BCAR1: variants seen among roughly 807,000 people sequenced by gnomAD.
BCAR1 encodes breast cancer anti-estrogen resistance protein 1.
A neutral mutation model predicts 67.6 loss-of-function variants in BCAR1; 30 were observed. That is an observed-to-expected ratio of 0.44 (90% CI 0.33 to 0.60). The LOEUF (loss-of-function observed/expected upper bound fraction) is 0.60, where lower values mean the gene tolerates loss of function less well. BCAR1 is among the 20% of genes least tolerant of loss of function. BCAR1 has a pLI of 0.02. For synonymous variants in BCAR1, 626 were observed against 556.7 expected (o/e 1.12, Z -1.75); for missense variants, 1,313 against 1,222.3 (o/e 1.07, Z -1.11).
intron 2 of BCAR1, chr16:75,237,985 CG>C: frequency 7.9e-7 from 1 of 1,263,150 alleles, no homozygotes; most frequent in Non-Finnish European, 1.0e-6. Flanking sequence ...GCGCCTGCCC[CG>C]GGGGAGCTGC....
chr16:75,243,521 T>C (rs764393561), intron 1 of BCAR1: 1 of 512,948 alleles, frequency 1.9e-6, no homozygotes, highest in Non-Finnish European at 3.9e-6. Context: ...AAGAACAGCT[T>C]CTTAGGATAA....
intron 1 of BCAR1, among the ~76,000 whole-genome samples, chr16:75,260,085 T>G (rs2077869595): frequency 6.6e-6 from 1 of 151,574 alleles, no homozygotes; most frequent in Non-Finnish European, 1.5e-5. Flanking sequence ...TCCCAGCTGT[T>G]TGGGAGACTG....
intron 1 of BCAR1, among the ~76,000 whole-genome samples, chr16:75,244,206 T>C (rs1444431265): frequency 6.6e-6 from 1 of 152,134 alleles, no homozygotes; most frequent in Non-Finnish European, 1.5e-5. Context: ...TCTCCTGGCG[T>C]CTTAGATGTG....
At chr16:75,234,264 G>T (rs1455213213) in intron 5 of BCAR1, among the ~76,000 whole-genome samples, 1 of 151,694 alleles carries the variant, frequency 6.6e-6, no homozygotes, top group Non-Finnish European at 1.5e-5. Flanking sequence ...GGGACACACA[G>T]AGAAGGTGGC....
At chr16:75,236,644 A>G (rs1012422683) in intron 4 of BCAR1, 1 of 692,252 alleles carries the variant, frequency 1.4e-6, no homozygotes, top group Non-Finnish European at 2.1e-6. Context: ...CCTTGCGGAT[A>G]CCCTCTCAGG....
rs116747306 is a variant in BCAR1 at position 75,241,773 on chromosome 16, G to A, written c.633+697C>T. The stretch of plus-strand genomic sequence containing the variant: ...GGTCTCCACCTCAGCCCTGGGCTGA[G>A]TGTCTAGTGCTGACTCCTTCCTACA... On this transcript the variant is annotated intron_variant, in intron 2 of 6. Coordinates refer to ENST00000162330, the MANE Select transcript of BCAR1 (RefSeq NM_014567.5). Among the ~76,000 whole-genome samples the A allele has an allele frequency of 6.5e-3, 992 of 152,330 alleles. 10 individuals are homozygous for A. Among genetic ancestry groups the A allele is most frequent in the African/African-American group, 0.019 (797 of 41,566 alleles).
chr16:75,250,922 C>T (rs1164992522), intron 1 of BCAR1: 18 of 985,416 alleles, frequency 1.8e-5, no homozygotes, highest in Admixed American at 6.1e-5. Flanking sequence ...CCCGGAACCC[C>T]GCGCCGGCGG....
rs532284157 is a variant in BCAR1 at position 75,266,835 on chromosome 16, C to T, written c.66+1080G>A. 16 of 1,276,210 alleles carry T rather than the reference C, an allele frequency of 1.3e-5. No homozygotes were observed. The African/African-American group carries it at 2.1e-4, about 17-fold the overall frequency. The allele number at this position is 1,276,210 out of a possible 1,614,324, so 79.1% of individuals were successfully genotyped here. ...CTGTCCCGGAGGTCAGCGCTGCCCA[C>T]CCCAGGGAGGAAAGACGGAGCCAGC... On this transcript the variant is annotated intron_variant, in intron 1 of 6. Transcript: ENST00000393422.
At chr16:75,236,200 C>A in intron 4 of BCAR1, 1 of 613,456 alleles carries the variant, frequency 1.6e-6, no homozygotes, top group Admixed American at 3.5e-5. Flanking sequence ...CACACACATC[C>A]TTCACAATTC....
Position 75,229,902 on chromosome 16 carries a change from C to A in BCAR1, c.2222G>T (p.Arg741Leu). The change falls in exon 7 of 7, where the codon CGG becomes CTG. Residue 741 changes from arginine (R) to leucine (L), a missense_variant. By Grantham distance (102) the Arg-to-Leu change is moderately radical. Transcript: ENST00000162330. ...CTCCAGGTAGAAGAGCAGCAGCTGC[C>A]GGTCCGAGGGCCCCAGGCCGCCTGT... ...GRTGGLGPSD[R>L]QLLLFYLEQC... 1.2e-6 allele frequency: 2 copies of A among 1,609,894 alleles called. No individual in the cohort carries two copies. The highest frequency in any genetic ancestry group is 1.7e-6 in the Non-Finnish European group (2 of 1,177,358).
chr16:75,234,850 T>C (rs753392680), intron 5 of BCAR1, 39 bp downstream of exon 5: 19 of 1,515,768 alleles, frequency 1.3e-5, no homozygotes, highest in Admixed American at 4.4e-5. Context: ...GAGCCCAGCG[T>C]GGCAGAAGAG....
chr16:75,235,360 A>T lies in BCAR1; in HGVS notation c.1539T>A (p.Ser513Arg). ...CAAACTCCAACAGCTCGTGGACGGC[A>T]CTCTGGACAGCGGCCACAGCAGCCT... ...DLQAAVAAVQ[S>R]AVHELLEFAR... Residue 513 changes from serine to arginine, a missense_variant, in exon 5 of 7, where the codon AGT (serine) becomes AGA (arginine). By Grantham distance (110) the Ser-to-Arg change is moderately radical. Transcript: ENST00000162330. 1.2e-6 allele frequency: 2 copies of T among 1,602,650 alleles called. No individual in the cohort carries two copies. Among genetic ancestry groups the T allele is most frequent in the Non-Finnish European group, 1.7e-6 (2 of 1,174,422 alleles).
chr16:75,243,537 T>A (rs978682292), intron 1 of BCAR1: 2 of 494,628 alleles, frequency 4.0e-6, no homozygotes, highest in Non-Finnish European at 8.0e-6. Context: ...GATAAAAAAA[T>A]GAACAACAAT....
At chr16:75,265,913 A>G in intron 1 of BCAR1, 1 of 1,109,742 alleles carries the variant, frequency 9.0e-7, no homozygotes, top group Non-Finnish European at 1.1e-6. Context: ...CGCCGCTCAG[A>G]GGCCCCGCGA....
At chr16:75,238,000 C>T (rs1412133665) in intron 2 of BCAR1, 17 of 1,278,780 alleles carry the variant, frequency 1.3e-5, no homozygotes, top group Non-Finnish European at 1.6e-5. Flanking sequence ...GAGCTGCCTG[C>T]AGCAGGTAAG....
At chr16:75,265,738 C>T in intron 1 of BCAR1, 2 of 1,188,616 alleles carry the variant, frequency 1.7e-6, no homozygotes, top group African/African-American at 1.6e-5. Context: ...CGGGAGCCAA[C>T]GCGGCATCAG....
chr16:75,250,959 G>C, intron 1 of BCAR1: 1 of 985,400 alleles, frequency 1.0e-6, no homozygotes, highest in Non-Finnish European at 1.2e-6. Context: ...ACTGGAGCCG[G>C]GTGCTCCGGC....
intron 2 of BCAR1, among the ~76,000 whole-genome samples, chr16:75,239,346 G>T (rs1356361503): frequency 1.3e-5 from 2 of 152,170 alleles, no homozygotes; most frequent in Non-Finnish European, 1.5e-5. Context: ...ACAATGCAGA[G>T]AAAACACAGC....
chr16:75,251,829 G>C (rs924171795), upstream of BCAR1: 138 of 218,532 alleles, frequency 6.3e-4, no homozygotes, highest in African/African-American at 5.8e-3. Flanking sequence ...GCCCCTGCCC[G>C]AGGCCAGGCT....
Sources: allele counts gnomAD v4.1 joint callset (sites outside exome capture counted in the v4.1 genomes callset), GRCh38; gene constraint gnomAD v4.1.1; transcripts MANE v1.5; gene names NCBI Gene and HGNC (gene_info 2026-07-23, HGNC 2026-07-21).